CAMTA1: variants seen among roughly 807,000 people sequenced by gnomAD.
CAMTA1 encodes the protein calmodulin binding transcription activator 1.
A neutral mutation model predicts 170.9 loss-of-function variants in CAMTA1; 27 were observed. The ratio of observed to expected loss-of-function variants is 0.16; its 90% CI spans 0.12 to 0.22. The LOEUF (loss-of-function observed/expected upper bound fraction) is 0.22. Among genes scored for constraint, CAMTA1 ranks in the 10% least tolerant of loss-of-function variants. The pLI is 1.00. For missense variants in CAMTA1, 1,619 were observed against 2,217.2 expected (o/e 0.73, Z 5.42); for synonymous variants, 833 against 891.5 (o/e 0.93, Z 1.17).
intron 4 of CAMTA1, among the ~76,000 whole-genome samples, chr1:7,157,881 C>T (rs963330810): frequency 4.6e-5 from 7 of 152,050 alleles, no homozygotes; most frequent in Admixed American, 1.3e-4. Flanking sequence ...TTTTGGGGGC[C>T]GGGCGCGGTG....
intron 3 of CAMTA1, among the ~76,000 whole-genome samples, chr1:6,984,449 C>T (rs1219231449): frequency 6.6e-6 from 1 of 151,928 alleles, no homozygotes; most frequent in Admixed American, 6.6e-5. Context: ...CCGTCTCTAA[C>T]AGAAATACAA....
At chr1:7,462,053 A>G (rs2093102680) in intron 5 of CAMTA1, among the ~76,000 whole-genome samples, 1 of 152,226 alleles carries the variant, frequency 6.6e-6, no homozygotes, top group African/African-American at 2.4e-5. Context: ...GGACGATATA[A>G]TCCACACTTG....
intron 3 of CAMTA1, among the ~76,000 whole-genome samples, chr1:7,033,588 C>CTTTTTTTTTTTTTTTT: frequency 1.1e-5 from 1 of 95,130 alleles, no homozygotes; most frequent in Non-Finnish European, 1.9e-5. Context: ...TGTAAATATT[C>CTTTTTTTTTTTTTTTT]TTTTTTTTTT....
chr1:7,556,174 C>A (rs948168962), intron 6 of CAMTA1, among the ~76,000 whole-genome samples: 2 of 152,056 alleles, frequency 1.3e-5, no homozygotes, highest in African/African-American at 2.4e-5. Context: ...GGGCTCTGGG[C>A]GGAGAGGCTG....
At chr1:6,974,490 T>C (rs1303701276) in intron 3 of CAMTA1, among the ~76,000 whole-genome samples, 1 of 152,116 alleles carries the variant, frequency 6.6e-6, no homozygotes, top group African/African-American at 2.4e-5. Flanking sequence ...AGCTGAGGGA[T>C]TGAAGTAAAT....
In CAMTA1 at chr1:7,064,696, G is replaced by T. The variant is rs1708735832; in HGVS notation, c.235-26608G>T. 1.3e-5 allele frequency among the ~76,000 whole-genome samples: 2 copies of T among 151,952 alleles called. No individual in the cohort carries two copies. Among genetic ancestry groups the T allele is most frequent in the South Asian group, 4.2e-4 (2 of 4,804 alleles). ...GAAGCATGTCCCGGGACTGAAGGAA[G>T]TGGGGGCTGGAGTCCAGAGATTGCA... is the stretch of plus-strand genomic sequence containing the variant. On this transcript the variant is annotated intron_variant, in intron 3 of 22. Coordinates refer to ENST00000303635, the MANE Select transcript of CAMTA1 (RefSeq NM_015215.4). This position sits in a 1 kb window ranked among gnomAD's most constrained non-coding sequence, Gnocchi z 5.4.
Position 7,673,833 on chromosome 1 carries a change from T to C in CAMTA1, c.2779+2796T>C, listed in dbSNP as rs1370835810. Among the ~76,000 whole-genome samples, 1 of 152,184 alleles carries C rather than the reference T, an allele frequency of 6.6e-6. No homozygotes were observed. The highest frequency in any genetic ancestry group is 1.5e-5 in the Non-Finnish European group (1 of 68,044). On this transcript the variant is annotated intron_variant, in intron 10 of 22. Transcript: ENST00000303635. The surrounding 1 kb of genome is among the most constrained non-coding windows in gnomAD (Gnocchi z 4.6). ...CTTCATTTGCCAAATAACTTTTGAG[T>C]AGCCCCTGCTTGCTCTGCACAGAGT...
chr1:7,545,826 T>A (rs1575934914), intron 6 of CAMTA1, among the ~76,000 whole-genome samples: 2 of 152,328 alleles, frequency 1.3e-5, no homozygotes, highest in Middle Eastern at 3.4e-3. Context: ...CTATTCTTTC[T>A]GATGCTCTCC....
At chr1:7,331,245 A>G (rs186573492) in intron 5 of CAMTA1, among the ~76,000 whole-genome samples, 2 of 152,254 alleles carry the variant, frequency 1.3e-5, no homozygotes, top group Admixed American at 1.3e-4. Context: ...CCAAAAAACA[A>G]AACAAAACAA....
At chr1:7,036,545 G>A (rs568695750) in intron 3 of CAMTA1, among the ~76,000 whole-genome samples, 5 of 152,316 alleles carry the variant, frequency 3.3e-5, no homozygotes, top group African/African-American at 1.2e-4. Context: ...ATTCAGAAAG[G>A]TTAAGTTACA....
intron 3 of CAMTA1, among the ~76,000 whole-genome samples, chr1:6,903,048 C>T (rs1421521756): frequency 2.0e-5 from 3 of 152,042 alleles, no homozygotes; most frequent in Admixed American, 6.6e-5. Flanking sequence ...TAGAAACAGC[C>T]CAAATATCCA....
intron 4 of CAMTA1, among the ~76,000 whole-genome samples, chr1:7,157,070 G>A (rs185153797): frequency 8.1e-4 from 123 of 152,204 alleles, no homozygotes; most frequent in Non-Finnish European, 1.5e-3. Context: ...TTGGCCGGGC[G>A]CGGTGACTCA....
chr1:7,241,731 G>T (rs1321029530), intron 4 of CAMTA1, among the ~76,000 whole-genome samples: 1 of 152,136 alleles, frequency 6.6e-6, no homozygotes, highest in Non-Finnish European at 1.5e-5. Flanking sequence ...AAAAAATGGT[G>T]CTGGGACAAT....
intron 5 of CAMTA1, among the ~76,000 whole-genome samples, chr1:7,387,733 A>C (rs2088176049): frequency 6.6e-6 from 1 of 152,246 alleles, no homozygotes; most frequent in Admixed American, 6.5e-5. Flanking sequence ...GTAGGAGGTT[A>C]TGACAGGGAA....
At chr1:7,478,391 C>G (rs1171139816) in intron 6 of CAMTA1, among the ~76,000 whole-genome samples, 1 of 152,170 alleles carries the variant, frequency 6.6e-6, no homozygotes, top group South Asian at 2.1e-4. Context: ...CCACCCTCCC[C>G]GAGCCTCTCT....
chr1:7,340,856 GAC>G (rs2083775788), intron 5 of CAMTA1, among the ~76,000 whole-genome samples: 1 of 152,092 alleles, frequency 6.6e-6, no homozygotes. Context: ...TGGAGGACAG[GAC>G]ACAGTTTCTG....
At chr1:7,073,937 C>T (rs1638969982) in intron 3 of CAMTA1, among the ~76,000 whole-genome samples, 1 of 152,168 alleles carries the variant, frequency 6.6e-6, no homozygotes, top group South Asian at 2.1e-4. Flanking sequence ...ACAAAGACAA[C>T]ACCTCTATCA....
At chr1:7,419,442 C>T (rs576955778) in intron 5 of CAMTA1, among the ~76,000 whole-genome samples, 1 of 152,310 alleles carries the variant, frequency 6.6e-6, no homozygotes, top group African/African-American at 2.4e-5. Flanking sequence ...CAGGCGTGAG[C>T]CACCATGCCC....
At chr1:7,398,189 CTCTCTATATATATATATA>C (rs1345482783) in intron 5 of CAMTA1, among the ~76,000 whole-genome samples, 121 of 32,268 alleles carry the variant, frequency 3.7e-3, no homozygotes, top group African/African-American at 5.3e-3. Context: ...CTCTCTCTCT[CTCTCTATATATATATATA>C]TATATATATA....
Sources: allele counts gnomAD v4.1 joint callset (sites outside exome capture counted in the v4.1 genomes callset), GRCh38; gene constraint gnomAD v4.1.1; non-coding constraint Gnocchi (gnomAD v3.1); transcripts MANE v1.5; gene names NCBI Gene and HGNC (gene_info 2026-07-23, HGNC 2026-07-21).